Variants in CTNNA2 observed in about 807,000 individuals in gnomAD.
The protein encoded by CTNNA2 is catenin alpha 2.
Under a neutral mutation model 101.0 loss-of-function variants are expected in CTNNA2, and 42 were observed. The ratio of observed to expected loss-of-function variants is 0.42; its 90% confidence interval spans 0.32 to 0.54. The LOEUF is 0.54. CTNNA2 is among the 20% of genes least tolerant of loss of function. The probability of loss-of-function intolerance (pLI) is 0.14; values close to 1 mark genes in which losing one functional copy is unlikely to be tolerated. For missense variants in CTNNA2, 871 were observed against 1,223.1 expected (o/e 0.71, Z 4.29); for synonymous variants, 450 against 456.4 (o/e 0.99, Z 0.18).
chr2:80,466,839 G>T lies in CTNNA2; in HGVS notation c.1290+47238G>T, dbSNP rs115261837. ...GTTCCCCAAGGAACAGCATATTTTA[G>T]ATAACAAGAGGGCTACATTTGGTAT... is the stretch of plus-strand genomic sequence containing the variant. On this transcript the variant is annotated intron_variant, in intron 9 of 18. Transcript: ENST00000402739. Among the ~76,000 whole-genome samples, 275 of 152,296 alleles carry T rather than the reference G, an allele frequency of 1.8e-3. 2 individuals carry two copies. The highest frequency in any genetic ancestry group is 3.0e-3 in the Admixed American group (46 of 15,294).
chr2:80,524,203 G>T (rs1689824264), intron 9 of CTNNA2, among the ~76,000 whole-genome samples: 1 of 152,124 alleles, frequency 6.6e-6, no homozygotes, highest in Admixed American at 6.5e-5. Context: ...CCATTTAGGT[G>T]ATCAGGGGAG....
chr2:79,815,164 G>T (rs1677387596), intron 3 of CTNNA2, among the ~76,000 whole-genome samples: 1 of 151,990 alleles, frequency 6.6e-6, no homozygotes, highest in Admixed American at 6.6e-5. Context: ...GTAGATTTTG[G>T]ATATTCGTTC....
At chr2:79,271,364 T>C (rs989815092) in intron 2 of CTNNA2, among the ~76,000 whole-genome samples, 2 of 152,024 alleles carry the variant, frequency 1.3e-5, no homozygotes, top group African/African-American at 4.8e-5. Flanking sequence ...TAAACCCAGA[T>C]AAAATAGCTT....
intron 9 of CTNNA2, among the ~76,000 whole-genome samples, chr2:80,453,572 C>A (rs1314869539): frequency 6.6e-6 from 1 of 151,992 alleles, no homozygotes; most frequent in Non-Finnish European, 1.5e-5. Flanking sequence ...GTTAAAAAAA[C>A]AAACAAAATA....
chr2:79,276,843 G>C (rs545573896), intron 2 of CTNNA2, among the ~76,000 whole-genome samples: 1 of 152,162 alleles, frequency 6.6e-6, no homozygotes, highest in East Asian at 1.9e-4. Flanking sequence ...GTTTACATGA[G>C]ATAAGAAAGG....
chr2:79,549,484 A>G (rs1673953757), intron 1 of CTNNA2, among the ~76,000 whole-genome samples: 1 of 152,202 alleles, frequency 6.6e-6, no homozygotes, highest in Admixed American at 6.5e-5. Context: ...ACAAAAGACT[A>G]GAGAATTGGT....
chr2:80,620,576 G>A (rs577171006), intron 18 of CTNNA2, among the ~76,000 whole-genome samples: 2 of 152,048 alleles, frequency 1.3e-5, no homozygotes, highest in East Asian at 3.9e-4. Flanking sequence ...CCAATAGGAA[G>A]ATTTTGATGA....
intron 8 of CTNNA2, among the ~76,000 whole-genome samples, chr2:80,409,125 C>T (rs1039021250): frequency 5.9e-5 from 9 of 152,098 alleles, no homozygotes; most frequent in Non-Finnish European, 1.0e-4. Context: ...CTGGGTTCAG[C>T]GATCTGAGCA....
intron 7 of CTNNA2, among the ~76,000 whole-genome samples, chr2:79,930,689 A>G (rs1345267485): frequency 3.3e-5 from 5 of 152,200 alleles, no homozygotes; most frequent in Non-Finnish European, 5.9e-5. Flanking sequence ...ATATTTTCTG[A>G]TGTTGCTGCC....
intron 2 of CTNNA2, among the ~76,000 whole-genome samples, chr2:79,742,840 A>G (rs932408731): frequency 6.6e-6 from 1 of 152,208 alleles, no homozygotes; most frequent in African/African-American, 2.4e-5. Context: ...TTATTTAGCA[A>G]TCAAAAGAGA....
chr2:79,375,078 C>T (rs1233958091), intron 4 of CTNNA2, among the ~76,000 whole-genome samples: 3 of 152,042 alleles, frequency 2.0e-5, no homozygotes, highest in Non-Finnish European at 2.9e-5. Context: ...TTTCATAGCC[C>T]GTAAATTGTT....
At chr2:79,694,873 C>T (rs1684549855) in intron 2 of CTNNA2, among the ~76,000 whole-genome samples, 1 of 151,860 alleles carries the variant, frequency 6.6e-6, no homozygotes, top group Non-Finnish European at 1.5e-5. Context: ...AACAGATCCT[C>T]CTTTGCTCAG....
At chr2:79,956,478 A>G (rs974879098) in intron 7 of CTNNA2, among the ~76,000 whole-genome samples, 1 of 152,188 alleles carries the variant, frequency 6.6e-6, no homozygotes, top group African/African-American at 2.4e-5. Context: ...TTTAAGAACC[A>G]TTCCTTTATC....
At chr2:80,288,573 C>T (rs1458768609) in intron 7 of CTNNA2, 1 of 152,128 alleles carries the variant, frequency 6.6e-6, no homozygotes, top group Non-Finnish European at 1.5e-5. Context: ...CCTAAAAACC[C>T]CACCACACAT....
At chr2:79,534,766 A>C (rs1286084214) in intron 1 of CTNNA2, among the ~76,000 whole-genome samples, 1 of 152,048 alleles carries the variant, frequency 6.6e-6, no homozygotes, top group Non-Finnish European at 1.5e-5. Context: ...TGATAACTTC[A>C]GCTGTGTTTT....
intron 3 of CTNNA2, among the ~76,000 whole-genome samples, chr2:79,745,285 G>A (rs1052187509): frequency 4.6e-5 from 7 of 151,972 alleles, no homozygotes; most frequent in Non-Finnish European, 4.4e-5. Context: ...CAAAAAATTA[G>A]CCGGGCATGG....
intron 3 of CTNNA2, among the ~76,000 whole-genome samples, chr2:79,768,196 C>A (rs1478158568): frequency 2.0e-5 from 3 of 151,670 alleles, no homozygotes; most frequent in African/African-American, 7.3e-5. Context: ...GAGTTCATTT[C>A]CTCAGGATTG....
chr2:79,684,976 C>T (rs1279396696), intron 2 of CTNNA2, among the ~76,000 whole-genome samples: 1 of 152,082 alleles, frequency 6.6e-6, no homozygotes, highest in Non-Finnish European at 1.5e-5. Flanking sequence ...AAACAATGCA[C>T]CTACTTCATA....
chr2:80,359,608 C>T (rs1310508568), intron 7 of CTNNA2, among the ~76,000 whole-genome samples: 2 of 152,158 alleles, frequency 1.3e-5, no homozygotes, highest in Non-Finnish European at 2.9e-5. Context: ...GTGCCTGCTT[C>T]CCCTTCACCT....
Sources: allele counts gnomAD v4.1 joint callset (sites outside exome capture counted in the v4.1 genomes callset), GRCh38; gene constraint gnomAD v4.1.1; transcripts MANE v1.5; gene names NCBI Gene and HGNC (gene_info 2026-07-23, HGNC 2026-07-21).